The following MAP3K15 variants were observed in gnomAD, a reference collection of about 807,000 sequenced individuals.
The protein encoded by MAP3K15 is MAPK/ERK kinase kinase 15.
MAP3K15 carries 124 observed loss-of-function variants against 99.5 expected under a neutral mutation model. That is an observed-to-expected ratio of 1.25 (90% confidence interval 1.08 to 1.45). The LOEUF (loss-of-function observed/expected upper bound fraction) is 1.45. MAP3K15 is among the 40% of genes most tolerant of loss of function. MAP3K15 has a pLI of 0.00. For synonymous variants in MAP3K15, 494 were observed against 439.6 expected (o/e 1.12, Z -1.55); for missense variants, 1,242 against 1,079.7 (o/e 1.15, Z -2.11).
intron 3 of MAP3K15, among the ~76,000 whole-genome samples, chrX:19,485,544 T>C (rs1319959927): frequency 9.1e-6 from 1 of 110,360 alleles, no homozygotes; most frequent in East Asian, 2.9e-4. Flanking sequence ...TTTCTGAAAC[T>C]TATGTCTCAG....
At chrX:19,467,001 CT>C (rs1298061919) in intron 3 of MAP3K15, among the ~76,000 whole-genome samples, 12 of 110,151 alleles carry the variant, frequency 1.1e-4, no homozygotes, top group East Asian at 5.7e-4. Context: ...TACACACAAA[CT>C]TTTTTTTTAA....
chrX:19,438,760 T>C (rs1019734491), intron 6 of MAP3K15, among the ~76,000 whole-genome samples: 5 of 112,455 alleles, frequency 4.4e-5, no homozygotes, highest in African/African-American at 1.6e-4. Flanking sequence ...AAGGTCTCAT[T>C]AGACCAGTGT....
At position 19,515,034 on chromosome X, in the gene MAP3K15, G is replaced by C; in HGVS notation, c.228C>G (p.Ala76=). Residue 76 remains alanine, a synonymous_variant, in exon 1 of 29, where the codon GCC becomes GCG. Coordinates refer to ENST00000338883, the MANE Select transcript of MAP3K15 (RefSeq NM_001001671.4). The stretch of plus-strand genomic sequence containing the variant: ...GCCGCGCCCCAGCCTCCGGGCCGCC[G>C]GCCGCGCCGCCCTGGGAGCTCTCAC... ...VRSESSQGGA[A]GGPEAGARQC... 1 of 1,049,720 alleles carries C rather than the reference G, an allele frequency of 9.5e-7. No homozygotes were observed. The highest frequency in any genetic ancestry group is 1.2e-6 in the Non-Finnish European group (1 of 808,466). The allele number at this position is 1,049,720 out of a possible 1,213,427, so 86.5% of individuals were successfully genotyped here. A position where few individuals can be genotyped will look rare whatever the true frequency, so the allele number is the denominator to read the frequency against.
At chrX:19,432,735 T>C (rs1348076136) in intron 6 of MAP3K15, among the ~76,000 whole-genome samples, 1 of 108,073 alleles carries the variant, frequency 9.3e-6, no homozygotes, top group Non-Finnish European at 1.9e-5. Flanking sequence ...TTTTTTTTTT[T>C]GAGACAGTCT....
intron 3 of MAP3K15, among the ~76,000 whole-genome samples, chrX:19,479,217 G>T (rs764016972): frequency 8.9e-6 from 1 of 111,772 alleles, no homozygotes; most frequent in Non-Finnish European, 1.9e-5. Context: ...AGCTCGTTAG[G>T]AAGCAGCCCC....
chrX:19,451,059 G>C (rs749226834), intron 6 of MAP3K15, among the ~76,000 whole-genome samples: 1 of 109,036 alleles, frequency 9.2e-6, no homozygotes, highest in African/African-American at 3.3e-5. Context: ...GCCGAGGCAG[G>C]TGGATTACTT....
intron 3 of MAP3K15, among the ~76,000 whole-genome samples, chrX:19,478,787 T>TA (rs2064270108): frequency 9.2e-6 from 1 of 109,212 alleles, no homozygotes; most frequent in Admixed American, 9.7e-5. Flanking sequence ...AATGTGATCT[T>TA]AGCTTGGAAA....
chrX:19,467,316 A>G (rs2064175295), intron 3 of MAP3K15, among the ~76,000 whole-genome samples: 1 of 110,688 alleles, frequency 9.0e-6, no homozygotes, highest in Admixed American at 9.7e-5. Flanking sequence ...CCTGGTCCAG[A>G]GTCACTGTTT....
At chrX:19,461,972 CAG>C (rs2147359469) in intron 4 of MAP3K15, among the ~76,000 whole-genome samples, 1 of 107,075 alleles carries the variant, frequency 9.3e-6, no homozygotes, top group East Asian at 2.9e-4. Flanking sequence ...GCCTGGGCGA[CAG>C]AGTGAGACTT....
intron 19 of MAP3K15, chrX:19,376,904 A>T (rs1472703461): frequency 9.0e-6 from 1 of 111,705 alleles, no homozygotes; most frequent in Non-Finnish European, 1.9e-5. Flanking sequence ...TAAAAAAGAA[A>T]AAAAAAAAGT....
intron 9 of MAP3K15, among the ~76,000 whole-genome samples, chrX:19,418,999 C>G (rs1213122783): frequency 4.5e-5 from 5 of 111,037 alleles, no homozygotes; most frequent in East Asian, 2.8e-4. Flanking sequence ...GAGACATTTT[C>G]TCACCACCAG....
intron 6 of MAP3K15, among the ~76,000 whole-genome samples, chrX:19,443,726 G>A (rs113151752): frequency 9.0e-6 from 1 of 111,436 alleles, no homozygotes; most frequent in African/African-American, 3.3e-5. Flanking sequence ...TAAGACTGAA[G>A]GCGGATGAGG....
At chrX:19,484,034 A>G (rs1467383150) in intron 3 of MAP3K15, among the ~76,000 whole-genome samples, 2 of 111,669 alleles carry the variant, frequency 1.8e-5, no homozygotes, top group Non-Finnish European at 3.8e-5. Context: ...GCCAAGCATG[A>G]CAACCAATAC....
At position 19,432,503 on chromosome X, in the gene MAP3K15, C is replaced by T. The variant is rs561942613; in HGVS notation, c.996-895G>A. On this transcript the variant is annotated intron_variant, in intron 6 of 28. Transcript: ENST00000338883. ...CCAGGAGGCAGAGGTGGCAGTGAGC[C>T]GAGATTGTGCCACTGCACTCCAGCC... is the stretch of plus-strand genomic sequence containing the variant. Among the ~76,000 whole-genome samples, 654 of 103,398 alleles carry T rather than the reference C, an allele frequency of 6.3e-3. 4 individuals are homozygous for T. The highest frequency in any genetic ancestry group is 0.025 in the Middle Eastern group (5 of 199). 89.8% of individuals were successfully genotyped at this position (103,398 alleles called of 115,157 possible). A position where few individuals can be genotyped will look rare whatever the true frequency, so the allele number is the denominator to read the frequency against.
intron 6 of MAP3K15, among the ~76,000 whole-genome samples, chrX:19,445,303 A>G (rs1350286570): frequency 9.1e-6 from 1 of 110,110 alleles, no homozygotes; most frequent in Admixed American, 9.7e-5. Context: ...ATTAAGAAAA[A>G]TTAGGGGCCA....
chrX:19,482,382 C>T (rs1306438475), intron 3 of MAP3K15: 5 of 111,250 alleles, frequency 4.5e-5, no homozygotes, highest in African/African-American at 1.6e-4. Context: ...AATATCTATA[C>T]AGTAGAATAC....
intron 9 of MAP3K15, among the ~76,000 whole-genome samples, chrX:19,424,399 G>A (rs932216068): frequency 4.6e-5 from 5 of 108,822 alleles, no homozygotes; most frequent in South Asian, 4.0e-4. Context: ...CAATTCTAAC[G>A]GAGCTTCATG....
rs762237886 is a variant in MAP3K15 at position 19,371,359 on chromosome X, C to T, written c.3280G>A (p.Gly1094Arg). 2 of 1,205,037 alleles carry T rather than the reference C, an allele frequency of 1.7e-6. No individual in the cohort carries two copies. Among genetic ancestry groups the T allele is most frequent in the African/African-American group, 1.7e-5 (1 of 57,556 alleles). ...GGAGCACTTACGGCATCCTGAAATC[C>T]GAACAGCACCAGGTGAATCTGACTG... ...SISQIHLVLF[G>R]FQDAVNKILR... Residue 1094 changes from glycine (G) to arginine (R), a missense_variant, in exon 23 of 29, where the codon GGA becomes AGA. Transcript: ENST00000338883.
intron 20 of MAP3K15, 103 bp downstream of exon 20, chrX:19,374,374 G>T (rs1341410877): frequency 8.8e-6 from 7 of 799,707 alleles, no homozygotes; most frequent in Non-Finnish European, 1.3e-5. Flanking sequence ...GAGCAGCCCA[G>T]GGCTCTGGAT....
Sources: allele counts gnomAD v4.1 joint callset (sites outside exome capture counted in the v4.1 genomes callset), GRCh38; gene constraint gnomAD v4.1.1; transcripts MANE v1.5; gene names NCBI Gene and HGNC (gene_info 2026-07-23, HGNC 2026-07-21).